The following HTR2C variants were observed in gnomAD, a reference collection of about 807,000 sequenced individuals.
HTR2C encodes the protein 5-hydroxytryptamine (serotonin) receptor 2C, G protein-coupled.
A neutral mutation model predicts 21.0 loss-of-function variants in HTR2C; 5 were observed. That is an observed-to-expected ratio of 0.24 (90% CI 0.12 to 0.50). The LOEUF is 0.50. Ranked by LOEUF, HTR2C falls within the 20% of genes least tolerant of loss-of-function variation. HTR2C has a pLI of 0.98. For synonymous variants in HTR2C, 150 were observed against 145.3 expected, an observed-to-expected ratio of 1.03 and a Z score of -0.23; for missense variants, 271 against 371.2, an observed-to-expected ratio of 0.73 and a Z score of 2.22.
chrX:114,667,407 G>A (rs912122655), intron 2 of HTR2C, among the ~76,000 whole-genome samples: 1 of 110,556 alleles, frequency 9.0e-6, no homozygotes, highest in Non-Finnish European at 1.9e-5. Context: ...GATACATTAC[G>A]TACTTGTAAT....
intron 4 of HTR2C, among the ~76,000 whole-genome samples, chrX:114,796,987 C>T (rs1466921536): frequency 1.8e-5 from 2 of 111,915 alleles, no homozygotes; most frequent in African/African-American, 6.5e-5. Flanking sequence ...GTGAGAAATA[C>T]TCCTTGGATA....
At chrX:114,770,304 T>C (rs1556436789) in intron 4 of HTR2C, among the ~76,000 whole-genome samples, 1 of 111,920 alleles carries the variant, frequency 8.9e-6, no homozygotes, top group East Asian at 2.8e-4. Context: ...ATCTTTTCTG[T>C]ATCTTTCTAA....
chrX:114,867,571 A>C (rs1177680683), intron 5 of HTR2C, among the ~76,000 whole-genome samples: 2 of 111,297 alleles, frequency 1.8e-5, no homozygotes, highest in Non-Finnish European at 3.8e-5. Flanking sequence ...TTGCTTAAGA[A>C]ATCTTTGCCC....
intron 1 of HTR2C, among the ~76,000 whole-genome samples, chrX:114,592,541 A>G (rs782531771): frequency 8.9e-6 from 1 of 111,821 alleles, no homozygotes. Flanking sequence ...TATTAAAAAA[A>G]CACTCTATCC....
intron 2 of HTR2C, among the ~76,000 whole-genome samples, chrX:114,718,456 T>C (rs956798392): frequency 3.6e-5 from 4 of 112,276 alleles, no homozygotes; most frequent in Non-Finnish European, 3.8e-5. Flanking sequence ...AAGCATAGAT[T>C]TCATAGGCAT....
At chrX:114,601,459 G>A (rs1244486322) in intron 1 of HTR2C, among the ~76,000 whole-genome samples, 1 of 106,469 alleles carries the variant, frequency 9.4e-6, no homozygotes, top group Admixed American at 1.0e-4. Context: ...GTTCTCTGGC[G>A]GGCAGGAGTG....
intron 3 of HTR2C, among the ~76,000 whole-genome samples, chrX:114,730,996 T>C (rs909372417): frequency 3.6e-5 from 4 of 111,623 alleles, no homozygotes; most frequent in African/African-American, 1.3e-4. Flanking sequence ...GTGATGGATA[T>C]AAATTAGAAC....
intron 4 of HTR2C, chrX:114,776,874 G>A (rs2070063695): frequency 1.3e-5 from 2 of 153,263 alleles, no homozygotes; most frequent in Non-Finnish European, 2.5e-5. Flanking sequence ...TTCTTGAAAG[G>A]GAAAATAGAT....
At chrX:114,714,825 A>G (rs1932956301) in intron 2 of HTR2C, among the ~76,000 whole-genome samples, 1 of 111,733 alleles carries the variant, frequency 8.9e-6, no homozygotes, top group Admixed American at 9.6e-5. Context: ...TGACACATCA[A>G]GAAGTGGTAA....
At chrX:114,816,994 T>C (rs1318163620) in intron 4 of HTR2C, among the ~76,000 whole-genome samples, 5 of 111,095 alleles carry the variant, frequency 4.5e-5, no homozygotes, top group African/African-American at 1.6e-4. Flanking sequence ...CAGATTTGCA[T>C]GTAAATATAA....
At chrX:114,828,499 GAT>G (rs782218592) in intron 4 of HTR2C, among the ~76,000 whole-genome samples, 2 of 111,130 alleles carry the variant, frequency 1.8e-5, no homozygotes, top group Non-Finnish European at 3.8e-5. Flanking sequence ...TGTATATTTG[GAT>G]AAAACATTTT....
At chrX:114,891,213 A>C (rs1302099304) in intron 5 of HTR2C, among the ~76,000 whole-genome samples, 1 of 111,030 alleles carries the variant, frequency 9.0e-6, no homozygotes, top group Non-Finnish European at 1.9e-5. Context: ...CCTCGAACTT[A>C]TTGAACATAT....
intron 4 of HTR2C, among the ~76,000 whole-genome samples, chrX:114,777,693 G>T (rs2147396937): frequency 9.0e-6 from 1 of 111,149 alleles, no homozygotes; most frequent in African/African-American, 3.3e-5. Flanking sequence ...GAGTAGCTGG[G>T]ATTACAGGCA....
chrX:114,701,321 C>A (rs1364547430), intron 2 of HTR2C, among the ~76,000 whole-genome samples: 1 of 111,641 alleles, frequency 9.0e-6, no homozygotes, highest in Non-Finnish European at 1.9e-5. Flanking sequence ...CAAGTAGGGG[C>A]AGACTGACAC....
intron 4 of HTR2C, among the ~76,000 whole-genome samples, chrX:114,766,465 T>C (rs1342635245): frequency 1.8e-5 from 2 of 111,196 alleles, no homozygotes; most frequent in African/African-American, 6.5e-5. Flanking sequence ...TAAGTGAACA[T>C]AAAAGAAAAC....
chrX:114,822,831 T>C (rs1471938986), intron 4 of HTR2C, among the ~76,000 whole-genome samples: 1 of 111,910 alleles, frequency 8.9e-6, no homozygotes, highest in African/African-American at 3.2e-5. Flanking sequence ...GCTGAGAGAC[T>C]TGAGATGAGC....
Position 114,704,014 on chromosome X carries a change from A to T in HTR2C, c.-79-22844A>T, listed in dbSNP as rs1402496644. Among the ~76,000 whole-genome samples the T allele has an allele frequency of 2.7e-5, 3 of 110,825 alleles. No individual in the cohort carries two copies. The East Asian group carries it at 8.6e-4, about 32-fold the overall frequency. ...CCCTCCCAAGAATAAACCAGGAAGAAATTGAATCTCTGAATAGACCAATAA... is the reference window on the plus strand; with the variant it reads ...CCCTCCCAAGAATAAACCAGGAAGATATTGAATCTCTGAATAGACCAATAA... On this transcript the variant is annotated intron_variant, in intron 2 of 5. Transcript: ENST00000276198.
intron 4 of HTR2C, among the ~76,000 whole-genome samples, chrX:114,824,645 G>A (rs184347547): frequency 9.0e-6 from 1 of 111,672 alleles, no homozygotes; most frequent in Non-Finnish European, 1.9e-5. Flanking sequence ...AGACTTTGGG[G>A]TTCTAAAAAA....
chrX:114,663,503 T>TA (rs1229476079), intron 2 of HTR2C, among the ~76,000 whole-genome samples: 1 of 111,882 alleles, frequency 8.9e-6, no homozygotes, highest in Non-Finnish European at 1.9e-5. Flanking sequence ...AGTAAAAAAT[T>TA]AAAAAGCTTT....
Sources: allele counts gnomAD v4.1 joint callset (sites outside exome capture counted in the v4.1 genomes callset), GRCh38; gene constraint gnomAD v4.1.1; transcripts MANE v1.5; gene names NCBI Gene and HGNC (gene_info 2026-07-23, HGNC 2026-07-21).